ROBO1: variants seen among roughly 807,000 people sequenced by gnomAD.
ROBO1 encodes the protein roundabout homolog 1.
A neutral mutation model predicts 195.9 loss-of-function variants in ROBO1; 149 were observed. The observed-to-expected ratio is 0.76, with a 90% CI of 0.67 to 0.87. The LOEUF (loss-of-function observed/expected upper bound fraction) is 0.87. Ranked by LOEUF, ROBO1 falls within the 40% of genes least tolerant of loss-of-function variation. The pLI is 0.00. For missense variants in ROBO1, 1,933 were observed against 2,068.3 expected, an observed-to-expected ratio of 0.93 and a Z score of 1.27; for synonymous variants, 816 against 733.2, an observed-to-expected ratio of 1.11 and a Z score of -1.82.
At chr3:79,309,832 A>C (rs2033399640) in intron 2 of ROBO1, among the ~76,000 whole-genome samples, 1 of 152,108 alleles carries the variant, frequency 6.6e-6, no homozygotes, top group Non-Finnish European at 1.5e-5. Context: ...GTGCCAAGAA[A>C]ATTGCCTGAA....
chr3:79,711,954 C>T lies in ROBO1; in HGVS notation c.-51+55798G>A, dbSNP rs114382830. On this transcript the variant is annotated intron_variant, in intron 1 of 30. Coordinates refer to ENST00000464233, the MANE Select transcript of ROBO1 (RefSeq NM_002941.4). Reference sequence around the variant, plus strand: ...GGGTGGGGGAGCACTATGAACTTTGCCCGTATAGGACAGGAAGCTTAATTG... The same window carrying T: ...GGGTGGGGGAGCACTATGAACTTTGTCCGTATAGGACAGGAAGCTTAATTG... 5.1e-3 allele frequency among the ~76,000 whole-genome samples: 750 copies of T among 148,418 alleles called. 2 individuals carry two copies. Among genetic ancestry groups the T allele is most frequent in the African/African-American group, 0.019 (715 of 38,096 alleles).
chr3:79,725,566 G>A (rs1380401869), intron 1 of ROBO1, among the ~76,000 whole-genome samples: 2 of 152,114 alleles, frequency 1.3e-5, no homozygotes, highest in South Asian at 2.1e-4. Context: ...CAGCCAACAT[G>A]CAATGAAGAC....
chr3:79,034,060 A>T (rs2078341243), intron 3 of ROBO1, among the ~76,000 whole-genome samples: 1 of 152,316 alleles, frequency 6.6e-6, no homozygotes, highest in East Asian at 1.9e-4. Flanking sequence ...TCTAGATTGT[A>T]TTCACATCTC....
intron 1 of ROBO1, among the ~76,000 whole-genome samples, chr3:79,671,033 A>C (rs1408243300): frequency 6.6e-6 from 1 of 151,812 alleles, no homozygotes; most frequent in Non-Finnish European, 1.5e-5. Flanking sequence ...ACATTGTGAG[A>C]AAGTGGAAAA....
intron 4 of ROBO1, among the ~76,000 whole-genome samples, chr3:78,816,073 A>G (rs1029873426): frequency 1.3e-5 from 2 of 152,182 alleles, no homozygotes; most frequent in African/African-American, 4.8e-5. Context: ...TGTTGTAGAG[A>G]TGACAGTGCC....
chr3:79,113,345 T>C (rs756346183), intron 3 of ROBO1, among the ~76,000 whole-genome samples: 3 of 152,080 alleles, frequency 2.0e-5, no homozygotes, highest in Non-Finnish European at 4.4e-5. Context: ...GAATCAGCAA[T>C]TGGCAAAATA....
intron 4 of ROBO1, among the ~76,000 whole-genome samples, chr3:78,894,593 C>A (rs1274308923): frequency 6.6e-6 from 1 of 152,116 alleles, no homozygotes; most frequent in Non-Finnish European, 1.5e-5. Context: ...ATCTCATATA[C>A]ATGTTTTGTC....
chr3:79,020,203 T>C (rs1385300628), intron 3 of ROBO1, among the ~76,000 whole-genome samples: 1 of 152,136 alleles, frequency 6.6e-6, no homozygotes, highest in Non-Finnish European at 1.5e-5. Flanking sequence ...CAGGCATAGG[T>C]TTGACACTCA....
chr3:79,202,574 T>G (rs930119369), intron 2 of ROBO1, among the ~76,000 whole-genome samples: 4 of 113,094 alleles, frequency 3.5e-5, no homozygotes, highest in Non-Finnish European at 7.8e-5. Context: ...ACTATGAAAT[T>G]AAAAAGAAAC....
intron 3 of ROBO1, among the ~76,000 whole-genome samples, chr3:79,020,594 A>C (rs975444252): frequency 1.3e-5 from 2 of 152,190 alleles, no homozygotes; most frequent in Non-Finnish European, 2.9e-5. Flanking sequence ...CGGGAGGCTA[A>C]GACAGAAGAA....
chr3:79,107,838 A>T (rs1027027339), intron 3 of ROBO1, among the ~76,000 whole-genome samples: 8 of 151,720 alleles, frequency 5.3e-5, no homozygotes, highest in Non-Finnish European at 1.2e-4. Flanking sequence ...CACTTGGAAC[A>T]CTGAAATAAA....
intron 2 of ROBO1, among the ~76,000 whole-genome samples, chr3:79,361,303 A>T (rs1290899291): frequency 6.6e-6 from 1 of 152,088 alleles, no homozygotes; most frequent in African/African-American, 2.4e-5. Flanking sequence ...CTTTTTATTT[A>T]AAAAGGAGGT....
chr3:79,559,039 T>C (rs1386522733), intron 2 of ROBO1, among the ~76,000 whole-genome samples: 1 of 152,176 alleles, frequency 6.6e-6, no homozygotes, highest in Non-Finnish European at 1.5e-5. Context: ...CAACTTAACC[T>C]AGTAGTATAT....
intron 4 of ROBO1, among the ~76,000 whole-genome samples, chr3:78,775,838 A>G (rs2083490025): frequency 6.6e-6 from 1 of 152,168 alleles, no homozygotes; most frequent in South Asian, 2.1e-4. Flanking sequence ...TTAGCTGTTG[A>G]TTTAGCCAGT....
At chr3:79,697,096 T>C (rs1235642300) in intron 1 of ROBO1, among the ~76,000 whole-genome samples, 3 of 151,456 alleles carry the variant, frequency 2.0e-5, no homozygotes, top group African/African-American at 4.8e-5. Flanking sequence ...GTTCCTAACA[T>C]GGTCCATATG....
intron 1 of ROBO1, among the ~76,000 whole-genome samples, chr3:79,606,671 T>G (rs545601716): frequency 3.3e-5 from 5 of 152,120 alleles, no homozygotes; most frequent in African/African-American, 9.6e-5. Flanking sequence ...TCCTGCCCAC[T>G]GGTGACATAT....
intron 8 of ROBO1, 148 bp from the exon 9 acceptor site, chr3:78,688,920 T>C: frequency 1.3e-6 from 1 of 778,080 alleles, no homozygotes; most frequent in Non-Finnish European, 1.8e-6. Flanking sequence ...GTCCTTAATT[T>C]GAAACTAAAA....
chr3:78,650,320 T>A (rs1007307282), intron 19 of ROBO1, among the ~76,000 whole-genome samples: 3 of 152,102 alleles, frequency 2.0e-5, no homozygotes, highest in African/African-American at 7.2e-5. Context: ...TACTGCTTCA[T>A]CCCTAGAGAG....
chr3:79,446,948 C>A (rs1167435104), intron 2 of ROBO1, among the ~76,000 whole-genome samples: 1 of 152,090 alleles, frequency 6.6e-6, no homozygotes. Flanking sequence ...CTCAGCCTCC[C>A]ACATAGCTGG....
Sources: allele counts gnomAD v4.1 joint callset (sites outside exome capture counted in the v4.1 genomes callset), GRCh38; gene constraint gnomAD v4.1.1; transcripts MANE v1.5; gene names NCBI Gene and HGNC (gene_info 2026-07-23, HGNC 2026-07-21).